The following HDAC11 variants were observed in gnomAD, a reference collection of about 807,000 sequenced individuals.
HDAC11 encodes the protein histone deacetylase 11.
In HDAC11, 23 loss-of-function variants were observed where a neutral mutation model predicts 41.1. The observed-to-expected ratio is 0.56, with a 90% CI of 0.40 to 0.79. The LOEUF (loss-of-function observed/expected upper bound fraction) is 0.79. Ranked by LOEUF, HDAC11 falls within the 30% of genes least tolerant of loss-of-function variation. The probability of loss-of-function intolerance (pLI) is 0.00; values close to 1 mark genes in which losing one functional copy is unlikely to be tolerated. For synonymous variants in HDAC11, 187 were observed against 186.6 expected, an observed-to-expected ratio of 1.00 and a Z score of -0.02; for missense variants, 402 against 477.3, an observed-to-expected ratio of 0.84 and a Z score of 1.47.
At chr3:13,495,399 C>T (rs1012511859) in intron 3 of HDAC11, among the ~76,000 whole-genome samples, 3 of 152,132 alleles carry the variant, frequency 2.0e-5, no homozygotes, top group African/African-American at 4.8e-5. Flanking sequence ...AACCTAGTGC[C>T]GCCTCTGTAC....
chr3:13,485,350 G>A (rs947713449), intron 3 of HDAC11, among the ~76,000 whole-genome samples: 1 of 152,226 alleles, frequency 6.6e-6, no homozygotes, highest in South Asian at 2.1e-4. Context: ...GTTTCCTGGG[G>A]CCCAGGCATG....
At chr3:13,498,178 C>T (rs1702189784) in intron 4 of HDAC11, among the ~76,000 whole-genome samples, 2 of 152,178 alleles carry the variant, frequency 1.3e-5, no homozygotes, top group African/African-American at 4.8e-5. Context: ...TTTCTGTGAG[C>T]AAAACTTTGC....
intron 5 of HDAC11, 36 bp downstream of exon 5, chr3:13,498,591 C>G (rs201927773): frequency 1.0e-5 from 13 of 1,296,278 alleles, no homozygotes; most frequent in Non-Finnish European, 1.3e-5. Context: ...ATGTCCAGCC[C>G]GGCTTGGTGG....
Position 13,504,836 on chromosome 3 carries a change from TTTCC to T in HDAC11, c.*154_*157del, listed in dbSNP as rs1702547692. ...GCCTGGAGCTGGCCCTTCCTCTACT[TTTCC>T]CTGCTGGAAGCCAGAAGGGCTTGAG... is the stretch of plus-strand genomic sequence containing the variant. On this transcript the variant is annotated 3_prime_UTR_variant, in exon 10 of 10. Transcript: ENST00000295757. The T allele has an allele frequency of 2.9e-5, 20 of 701,092 alleles. No individual in the cohort carries two copies. The South Asian group carries it at 3.6e-4, about 12-fold the overall frequency. The allele number at this position is 701,092 out of a possible 1,614,324, so 43.4% of individuals were successfully genotyped here.
intron 8 of HDAC11, 123 bp from the exon 9 acceptor site, chr3:13,503,971 A>C (rs1186817745): frequency 5.8e-6 from 5 of 865,888 alleles, no homozygotes; most frequent in Non-Finnish European, 9.0e-6. Flanking sequence ...TTTTGGGTGG[A>C]ATGAGGCTGA....
chr3:13,484,441 G>A (rs923929321), intron 3 of HDAC11, among the ~76,000 whole-genome samples: 3 of 152,198 alleles, frequency 2.0e-5, no homozygotes, highest in African/African-American at 4.8e-5. Flanking sequence ...CCCAAGGGGC[G>A]GCTCCTCAGC....
At chr3:13,503,518 C>G (rs1053612597) in intron 8 of HDAC11, among the ~76,000 whole-genome samples, 3 of 152,242 alleles carry the variant, frequency 2.0e-5, no homozygotes, top group African/African-American at 4.8e-5. Flanking sequence ...AAGCCGAGAT[C>G]GCGCCATTGC....
chr3:13,496,988 C>A, intron 4 of HDAC11, 136 bp downstream of exon 4: 1 of 515,074 alleles, frequency 1.9e-6, no homozygotes. Flanking sequence ...GGCTCGGCAA[C>A]AATGACCCTT....
intron 3 of HDAC11, among the ~76,000 whole-genome samples, chr3:13,493,164 C>G (rs1413676772): frequency 6.6e-6 from 1 of 152,216 alleles, no homozygotes; most frequent in African/African-American, 2.4e-5. Flanking sequence ...GCAGCACCCC[C>G]CACCTGCCCC....
At chr3:13,492,020 C>G (rs1352723235) in intron 3 of HDAC11, among the ~76,000 whole-genome samples, 1 of 152,262 alleles carries the variant, frequency 6.6e-6, no homozygotes, top group Non-Finnish European at 1.5e-5. Flanking sequence ...GTGGATGCTG[C>G]TGGTCTGAGA....
chr3:13,483,365 G>T, intron 2 of HDAC11, 99 bp from the exon 3 acceptor site: 1 of 976,630 alleles, frequency 1.0e-6, no homozygotes, highest in Non-Finnish European at 1.6e-6. Context: ...CCTGGGGCAG[G>T]GGCTGCCACA....
chr3:13,501,167 A>G (rs1435234227), intron 6 of HDAC11, among the ~76,000 whole-genome samples: 1 of 152,224 alleles, frequency 6.6e-6, no homozygotes, highest in Non-Finnish European at 1.5e-5. Context: ...TGCATGCTCC[A>G]ACCCGCGCTG....
At chr3:13,500,654 C>G in intron 5 of HDAC11, 59 bp from the exon 6 acceptor site, 1 of 1,372,644 alleles carries the variant, frequency 7.3e-7, no homozygotes, top group Admixed American at 2.0e-5. Context: ...GATGGAGGAG[C>G]TCCTGGACTG....
rs773903380 is a variant in HDAC11 at position 13,496,864 on chromosome 3, G to T, written c.369+12G>T. On this transcript the variant is annotated intron_variant, in intron 4 of 9. Coordinates refer to ENST00000295757, the MANE Select transcript of HDAC11 (RefSeq NM_024827.4). ...GAGGAACCATAATGGTAGGTGGGGT[G>T]GGGGGGCATGGCTGGGCTGGGGGCC... 27 of 1,411,854 alleles carry T rather than the reference G, an allele frequency of 1.9e-5. No homozygotes were observed. The highest frequency in any genetic ancestry group is 1.1e-4 in the Admixed American group (5 of 45,336). The allele number at this position is 1,411,854 out of a possible 1,614,324, so 87.5% of individuals were successfully genotyped here. A position where few individuals can be genotyped will look rare whatever the true frequency, so the allele number is the denominator to read the frequency against.
intron 3 of HDAC11, among the ~76,000 whole-genome samples, chr3:13,485,857 C>G (rs1472542408): frequency 6.6e-6 from 1 of 152,028 alleles, no homozygotes; most frequent in Admixed American, 6.6e-5. Flanking sequence ...GAGGAGAATT[C>G]AGGTATGTCC....
intron 5 of HDAC11, 59 bp downstream of exon 5, chr3:13,498,614 A>G: frequency 1.5e-6 from 1 of 665,040 alleles, no homozygotes; most frequent in Non-Finnish European, 2.6e-6. Flanking sequence ...CTGGCCTGAA[A>G]GGGGGCTGGG....
Position 13,481,375 on chromosome 3 carries a change from A to G in HDAC11, c.132A>G (p.Lys44=). The G allele has an allele frequency of 1.9e-6, 3 of 1,614,094 alleles. No individual in the cohort carries two copies. The highest frequency in any genetic ancestry group is 2.5e-6 in the Non-Finnish European group (3 of 1,180,004). ...LHPFDAGKWG[K]VINFLKEEKL... ...CCTTTGATGCCGGAAAATGGGGCAA[A>G]GTGATCAATTTCCTAAAAGGTATGG... The change falls in exon 2 of 10, where the codon AAA becomes AAG. Residue 44 remains lysine (K), a synonymous_variant. Coordinates refer to ENST00000295757, the MANE Select transcript of HDAC11 (RefSeq NM_024827.4).
chr3:13,497,622 T>A (rs2655223), intron 4 of HDAC11, among the ~76,000 whole-genome samples: 128,678 of 151,820 alleles, frequency 0.85, 54,759 homozygotes, highest in African/African-American at 0.93. Flanking sequence ...GTGGTTTTTT[T>A]AAAAAAATGT....
intron 4 of HDAC11, among the ~76,000 whole-genome samples, chr3:13,497,878 CA>C (rs1702174782): frequency 1.1e-5 from 1 of 87,428 alleles, no homozygotes; most frequent in Admixed American, 1.5e-4. Context: ...TTTTTTGAGA[CA>C]GAGTCTCACT....
Sources: allele counts gnomAD v4.1 joint callset (sites outside exome capture counted in the v4.1 genomes callset), GRCh38; gene constraint gnomAD v4.1.1; transcripts MANE v1.5; gene names NCBI Gene and HGNC (gene_info 2026-07-23, HGNC 2026-07-21).